The following SIGLEC15 variants were observed in gnomAD, a reference collection of about 807,000 sequenced individuals.
The protein encoded by SIGLEC15 is sialic acid-binding Ig-like lectin 15.
A neutral mutation model predicts 26.2 loss-of-function variants in SIGLEC15; 31 were observed. The observed-to-expected ratio is 1.18, with a 90% CI of 0.89 to 1.60. The LOEUF (loss-of-function observed/expected upper bound fraction) is 1.60. Ranked by LOEUF, SIGLEC15 falls within the 40% of genes most tolerant of loss-of-function variation. The pLI is 0.00. For missense variants in SIGLEC15, 501 were observed against 488.4 expected (o/e 1.03, Z -0.24); for synonymous variants, 207 against 221.9 (o/e 0.93, Z 0.60).
chr18:45,826,836 T>A, intron 1 of SIGLEC15, among the ~76,000 whole-genome samples: 1 of 152,210 alleles, frequency 6.6e-6, no homozygotes, highest in Non-Finnish European at 1.5e-5. Context: ...AGCAAACCTC[T>A]GCACAGCTGT....
chr18:45,835,079 A>T (rs1286532982), intron 1 of SIGLEC15, among the ~76,000 whole-genome samples: 1 of 149,628 alleles, frequency 6.7e-6, no homozygotes, highest in African/African-American at 2.5e-5. Flanking sequence ...ATTTGTCCAG[A>T]AAAAAAAAAG....
rs1261806891 is a variant in SIGLEC15, at chr18:45,837,878, G to T, written c.478G>T (p.Val160Phe). ...TGACCGCTACGAGAGCCGCCACGGC[G>T]TCCGGCTGCACGTGACAGGCGAGGC... Reference protein sequence around the residue: ...VHDRYESRHGVRLHVTAAPRI... With the variant: ...VHDRYESRHGFRLHVTAAPRI... Residue 160 changes from valine (V) to phenylalanine (F), a missense_variant, in exon 3 of 6, where the codon GTC (valine) becomes TTC (phenylalanine). Coordinates refer to ENST00000389474, the MANE Select transcript of SIGLEC15 (RefSeq NM_213602.3). The T allele has an allele frequency of 2.6e-6, 4 of 1,529,522 alleles. No homozygotes were observed. Among genetic ancestry groups the T allele is most frequent in the African/African-American group, 1.4e-5 (1 of 70,034 alleles). The allele number at this position is 1,529,522 out of a possible 1,614,324, so 94.7% of individuals were successfully genotyped here.
chr18:45,828,334 G>T (rs952127632), intron 1 of SIGLEC15, among the ~76,000 whole-genome samples: 2 of 152,036 alleles, frequency 1.3e-5, no homozygotes. Flanking sequence ...CCCCATACTC[G>T]ACACCCAGTG....
chr18:45,837,106 T>C lies in SIGLEC15; in HGVS notation c.112+18T>C. 1 of 1,612,664 alleles carries C rather than the reference T, an allele frequency of 6.2e-7. No homozygotes were observed. The highest frequency in any genetic ancestry group is 8.5e-7 in the Non-Finnish European group (1 of 1,179,426). ...GGTGCACAGTAAGTGCTTTTATTAT[T>C]ATCACCATCTCGGGGATCTTGGGAG... On this transcript the variant is annotated intron_variant, in intron 2 of 5. Transcript: ENST00000389474.
At chr18:45,827,193 G>C (rs1391942720) in intron 1 of SIGLEC15, among the ~76,000 whole-genome samples, 3 of 152,220 alleles carry the variant, frequency 2.0e-5, no homozygotes, top group Non-Finnish European at 4.4e-5. Flanking sequence ...TGAGATTACA[G>C]GTGTGAGCCA....
chr18:45,837,711 G>T lies in SIGLEC15; in HGVS notation c.311G>T (p.Cys104Phe). The T allele has an allele frequency of 1.3e-6, 2 of 1,491,066 alleles. No homozygotes were observed. The allele number at this position is 1,491,066 out of a possible 1,614,324, so 92.4% of individuals were successfully genotyped here. The change falls in exon 3 of 6, where the codon TGC (cysteine) becomes TTC (phenylalanine). Residue 104 changes from cysteine (C) to phenylalanine (F), a missense_variant. Transcript: ENST00000389474. ...GCTGCGGCGCGGGGCAGCGAGCTCT[G>T]CCAGACGGCGCTGAGCCTGCACGGC... ...RCAAARGSEL[C>F]QTALSLHGRF...
At chr18:45,835,592 G>C (rs1334701796) in intron 1 of SIGLEC15, among the ~76,000 whole-genome samples, 1 of 152,180 alleles carries the variant, frequency 6.6e-6, no homozygotes, top group African/African-American at 2.4e-5. Context: ...CACTCCAAGG[G>C]TGTGATACTG....
Position 45,842,038 on chromosome 18 carries a change from C to T in SIGLEC15, c.906-68C>T. The T allele has an allele frequency of 4.9e-6, 7 of 1,429,638 alleles. 1 individual carries two copies. In the South Asian group the frequency reaches 6.9e-5, roughly 14 times the overall value. The allele number at this position is 1,429,638 out of a possible 1,614,324, so 88.6% of individuals were successfully genotyped here. ...TCTCCTCTTCTTGGCCCACTGCTGG[C>T]ATATAGTTTGGGCAGTTGTGGACCT... On this transcript the variant is annotated intron_variant, in intron 5 of 5. Transcript: ENST00000389474.
intron 1 of SIGLEC15, among the ~76,000 whole-genome samples, chr18:45,828,132 C>T (rs1381303145): frequency 6.6e-6 from 1 of 152,272 alleles, no homozygotes; most frequent in African/African-American, 2.4e-5. Context: ...GCAGGAGGCC[C>T]GAGGAGCAGG....
At chr18:45,826,504 C>G (rs1431655255) in intron 1 of SIGLEC15, among the ~76,000 whole-genome samples, 1 of 152,186 alleles carries the variant, frequency 6.6e-6, no homozygotes, top group Non-Finnish European at 1.5e-5. Context: ...TGCATTTTCA[C>G]CACCTTCTTG....
chr18:45,831,250 T>C (rs2048232859), intron 1 of SIGLEC15, among the ~76,000 whole-genome samples: 1 of 152,234 alleles, frequency 6.6e-6, no homozygotes, highest in South Asian at 2.1e-4. Flanking sequence ...CAAAGCCTTC[T>C]GGGTTCACTC....
chr18:45,826,176 G>A (rs1319051339), intron 1 of SIGLEC15, among the ~76,000 whole-genome samples: 1 of 152,124 alleles, frequency 6.6e-6, no homozygotes, highest in Non-Finnish European at 1.5e-5. Flanking sequence ...GAAGAAGGGC[G>A]GGGAGTGCAT....
chr18:45,837,743 C>G lies in SIGLEC15; in HGVS notation c.343C>G (p.Arg115Gly). 6.6e-7 allele frequency: 1 copy of G among 1,511,842 alleles called. No homozygotes were observed. The highest frequency in any genetic ancestry group is 8.8e-7 in the Non-Finnish European group (1 of 1,138,582). 93.7% of individuals were successfully genotyped at this position (1,511,842 alleles called of 1,614,324 possible). A position where few individuals can be genotyped will look rare whatever the true frequency, so the allele number is the denominator to read the frequency against. Residue 115 changes from arginine (R) to glycine (G), a missense_variant, in exon 3 of 6, where the codon CGG (arginine) becomes GGG (glycine). Coordinates refer to ENST00000389474, the MANE Select transcript of SIGLEC15 (RefSeq NM_213602.3). ...GGCGCTGAGCCTGCACGGCCGCTTC[C>G]GGCTGCTGGGCAACCCGCGCCGCAA... ...QTALSLHGRF[R>G]LLGNPRRNDL...
In SIGLEC15 at chr18:45,837,883, G is replaced by A; in HGVS notation, c.483G>A (p.Arg161=). Residue 161 remains arginine (R), a synonymous_variant, in exon 3 of 6, where the codon CGG becomes CGA. Coordinates refer to ENST00000389474, the MANE Select transcript of SIGLEC15 (RefSeq NM_213602.3). ...GCTACGAGAGCCGCCACGGCGTCCG[G>A]CTGCACGTGACAGGCGAGGCGGCGT... ...HDRYESRHGV[R]LHVTAAPRIV... 2.0e-6 allele frequency: 3 copies of A among 1,526,716 alleles called. No individual in the cohort carries two copies. Among genetic ancestry groups the A allele is most frequent in the Non-Finnish European group, 8.7e-7 (1 of 1,147,952 alleles). 94.6% of individuals were successfully genotyped at this position (1,526,716 alleles called of 1,614,324 possible). A position where few individuals can be genotyped will look rare whatever the true frequency, so the allele number is the denominator to read the frequency against.
intron 1 of SIGLEC15, among the ~76,000 whole-genome samples, chr18:45,830,579 C>CTTCCT (rs2048226134): frequency 1.0e-5 from 1 of 96,806 alleles, no homozygotes; most frequent in African/African-American, 3.8e-5. Flanking sequence ...AGATATTTTT[C>CTTCCT]TTTCTTTTTT....
intron 1 of SIGLEC15, among the ~76,000 whole-genome samples, chr18:45,827,080 A>C (rs1023772583): frequency 3.3e-5 from 5 of 152,098 alleles, no homozygotes; most frequent in African/African-American, 1.2e-4. Context: ...ACGCCCAGCT[A>C]ATTTTTTAAA....
At chr18:45,839,572 C>G (rs2048307958) in intron 4 of SIGLEC15, among the ~76,000 whole-genome samples, 2 of 152,290 alleles carry the variant, frequency 1.3e-5, no homozygotes, top group Non-Finnish European at 2.9e-5. Flanking sequence ...ATGAGAAGGG[C>G]TCTCCTCAAC....
chr18:45,825,891 G>T (rs571437234), intron 1 of SIGLEC15, 111 bp downstream of exon 1: 3 of 1,298,536 alleles, frequency 2.3e-6, no homozygotes, highest in Non-Finnish European at 3.3e-6. Flanking sequence ...GAGCCTCCAG[G>T]CCTGTGGAGG....
At chr18:45,828,472 C>T (rs1179282670) in intron 1 of SIGLEC15, among the ~76,000 whole-genome samples, 1 of 152,138 alleles carries the variant, frequency 6.6e-6, no homozygotes, top group African/African-American at 2.4e-5. Flanking sequence ...GAACACTGGT[C>T]TGGGAGCTCC....
Sources: gnomAD v4.1 joint callset for allele counts (sites outside exome capture counted in the v4.1 genomes callset) on GRCh38, gnomAD v4.1.1 for gene constraint, MANE v1.5 for transcripts, NCBI Gene and HGNC (gene_info 2026-07-23, HGNC 2026-07-21) for gene names.